Variants in KCNIP4 observed in about 807,000 individuals in gnomAD.
KCNIP4 encodes the protein potassium voltage-gated channel interacting protein 4, also known as Kv channel-interacting protein 4.
Under a neutral mutation model 34.0 loss-of-function variants are expected in KCNIP4, and 12 were observed. That is an observed-to-expected ratio of 0.35 (90% confidence interval 0.23 to 0.57). The LOEUF (loss-of-function observed/expected upper bound fraction) is 0.57, where lower values mean the gene tolerates loss of function less well. KCNIP4 is among the 20% of genes least tolerant of loss of function. The pLI, the probability that KCNIP4 is intolerant of heterozygous loss-of-function variation, is 0.83. For missense variants in KCNIP4, 238 were observed against 311.7 expected, an observed-to-expected ratio of 0.76 and a Z score of 1.78; for synonymous variants, 124 against 102.2, an observed-to-expected ratio of 1.21 and a Z score of -1.29.
At chr4:21,226,721 G>C (rs1758434441) in intron 1 of KCNIP4, among the ~76,000 whole-genome samples, 2 of 152,170 alleles carry the variant, frequency 1.3e-5, no homozygotes, top group African/African-American at 4.8e-5. Context: ...CTGGGAGAAT[G>C]TGTTATCTAT....
intron 5 of KCNIP4, among the ~76,000 whole-genome samples, chr4:20,744,524 A>G (rs1310490704): frequency 6.6e-6 from 1 of 151,936 alleles, no homozygotes; most frequent in East Asian, 1.9e-4. Flanking sequence ...AGGACAGAAA[A>G]CCAAACACCG....
intron 1 of KCNIP4, among the ~76,000 whole-genome samples, chr4:21,324,987 C>T (rs1022481876): frequency 6.6e-6 from 1 of 151,470 alleles, no homozygotes; most frequent in African/African-American, 2.4e-5. Context: ...TTGGTTAATT[C>T]CTAGGTATTT....
chr4:21,850,527 C>T (rs1724310248), intron 1 of KCNIP4: 1 of 152,082 alleles, frequency 6.6e-6, no homozygotes, highest in South Asian at 2.1e-4. Flanking sequence ...CGGGACTCTA[C>T]AGAGAGTCCC....
intron 1 of KCNIP4, among the ~76,000 whole-genome samples, chr4:21,219,633 A>C (rs1439668292): frequency 6.6e-6 from 1 of 152,174 alleles, no homozygotes; most frequent in Non-Finnish European, 1.5e-5. Flanking sequence ...AAGAAAGGGG[A>C]CACGATTAAA....
intron 1 of KCNIP4, among the ~76,000 whole-genome samples, chr4:21,672,832 A>G (rs755806193): frequency 4.3e-4 from 65 of 152,220 alleles, no homozygotes; most frequent in Non-Finnish European, 5.4e-4. Flanking sequence ...TAGTCAAGGT[A>G]TAGGCTAGAG....
intron 1 of KCNIP4, among the ~76,000 whole-genome samples, chr4:21,505,563 T>C (rs1254649811): frequency 6.6e-6 from 1 of 152,166 alleles, no homozygotes; most frequent in Non-Finnish European, 1.5e-5. Context: ...AAATCCTATT[T>C]TCCCTCTAAA....
intron 1 of KCNIP4, among the ~76,000 whole-genome samples, chr4:21,558,785 T>G (rs557990058): frequency 6.6e-6 from 1 of 152,216 alleles, no homozygotes; most frequent in South Asian, 2.1e-4. Flanking sequence ...GAAGCAAAGA[T>G]TATGTAGATT....
intron 1 of KCNIP4, among the ~76,000 whole-genome samples, chr4:21,887,494 T>C (rs1039793867): frequency 1.3e-5 from 2 of 152,074 alleles, no homozygotes; most frequent in Non-Finnish European, 2.9e-5. Flanking sequence ...TGTATGAATT[T>C]TGGGGGAACA....
intron 3 of KCNIP4, among the ~76,000 whole-genome samples, chr4:20,774,511 A>G (rs986429536): frequency 6.6e-6 from 1 of 152,228 alleles, no homozygotes; most frequent in African/African-American, 2.4e-5. Flanking sequence ...GAGTGTAAGA[A>G]GAAATGGAGC....
At chr4:20,807,054 G>C (rs1715190814) in intron 3 of KCNIP4, among the ~76,000 whole-genome samples, 2 of 152,100 alleles carry the variant, frequency 1.3e-5, no homozygotes, top group Admixed American at 1.3e-4. Flanking sequence ...ACATCATTGT[G>C]AGTTTATATG....
At chr4:20,857,665 C>T (rs1721746433) in intron 2 of KCNIP4, among the ~76,000 whole-genome samples, 1 of 152,116 alleles carries the variant, frequency 6.6e-6, no homozygotes, top group Admixed American at 6.5e-5. Flanking sequence ...ATGTTCTTCC[C>T]ACTTCCCACT....
At chr4:21,761,610 T>A (rs867572202) in intron 1 of KCNIP4, among the ~76,000 whole-genome samples, 1 of 136,714 alleles carries the variant, frequency 7.3e-6, no homozygotes, top group Non-Finnish European at 1.6e-5. Context: ...AATATTAACA[T>A]AAATTTGTAA....
intron 1 of KCNIP4, among the ~76,000 whole-genome samples, chr4:21,123,480 C>T (rs937184413): frequency 6.6e-6 from 1 of 152,130 alleles, no homozygotes; most frequent in South Asian, 2.1e-4. Flanking sequence ...TCTTTACGCT[C>T]TTAAAAACTG....
chr4:21,788,413 T>C lies in KCNIP4; in HGVS notation c.61+160158A>G, dbSNP rs531190993. Among the ~76,000 whole-genome samples, 40 of 152,336 alleles carry C rather than the reference T, an allele frequency of 2.6e-4. No individual in the cohort carries two copies. In the South Asian group the frequency reaches 6.8e-3, roughly 26 times the overall value. On this transcript the variant is annotated intron_variant, in intron 1 of 8. Coordinates refer to ENST00000382152, the MANE Select transcript of KCNIP4 (RefSeq NM_025221.6). ...AAAGATTCATAAACAAATGTTCTAA[T>C]CAATTACTTTAACTTCTATGCTATG...
intron 1 of KCNIP4, among the ~76,000 whole-genome samples, chr4:21,074,063 A>G (rs554051407): frequency 6.6e-6 from 1 of 152,142 alleles, no homozygotes; most frequent in South Asian, 2.1e-4. Context: ...GGATTTTTGC[A>G]TCAGTGTTCA....
rs112565408 is a variant in KCNIP4 at position 21,072,277 on chromosome 4, T to C, written c.62-189568A>G. 5.0e-3 allele frequency among the ~76,000 whole-genome samples: 762 copies of C among 152,340 alleles called. 6 individuals carry two copies. The highest frequency in any genetic ancestry group is 0.017 in the African/African-American group (725 of 41,580). On this transcript the variant is annotated intron_variant, in intron 1 of 8. Transcript: ENST00000382152. ...CCCACCAACAGTGTAAAAGTGTTCCTATTTCTCCACATCCTCTCCAGCATC... is the reference window on the plus strand; with the variant it reads ...CCCACCAACAGTGTAAAAGTGTTCCCATTTCTCCACATCCTCTCCAGCATC...
In KCNIP4 at chr4:21,375,598, G is replaced by T. The variant is rs146017807; in HGVS notation, c.62-492889C>A. On this transcript the variant is annotated intron_variant, in intron 1 of 8. Coordinates refer to ENST00000382152, the MANE Select transcript of KCNIP4 (RefSeq NM_025221.6). ...TTTTTTTTTTTTGAGACAGAGTCTC[G>T]CTCTGTCACCCAGGCTGGAGTGCAG... 1.1e-3 allele frequency among the ~76,000 whole-genome samples: 162 copies of T among 147,664 alleles called. 1 individual carries two copies. Among genetic ancestry groups the T allele is most frequent in the African/African-American group, 4.0e-3 (159 of 39,848 alleles).
At chr4:21,133,457 G>A (rs905049924) in intron 1 of KCNIP4, among the ~76,000 whole-genome samples, 24 of 152,042 alleles carry the variant, frequency 1.6e-4, no homozygotes, top group Admixed American at 1.4e-3. Flanking sequence ...GGTCTTTATG[G>A]CAACTCTTGT....
chr4:20,803,023 A>C (rs1412127710), intron 3 of KCNIP4, among the ~76,000 whole-genome samples: 2 of 149,048 alleles, frequency 1.3e-5, no homozygotes, highest in Non-Finnish European at 3.0e-5. Context: ...TGCAGTGAGC[A>C]GAGATCGCTC....
Sources: allele counts gnomAD v4.1 joint callset (sites outside exome capture counted in the v4.1 genomes callset), GRCh38; gene constraint gnomAD v4.1.1; transcripts MANE v1.5; gene names NCBI Gene and HGNC (gene_info 2026-07-23, HGNC 2026-07-21).